The following TATDN1 variants were observed in gnomAD, a reference collection of about 807,000 sequenced individuals.
TATDN1 encodes TatD DNase domain containing 1.
A neutral mutation model predicts 46.4 loss-of-function variants in TATDN1; 40 were observed. The observed-to-expected ratio is 0.86, with a 90% CI of 0.67 to 1.12. TATDN1 has a LOEUF of 1.12. TATDN1 is among the 50% of genes most tolerant of loss of function. The pLI, the probability that TATDN1 is intolerant of heterozygous loss-of-function variation, is 0.00. For missense variants in TATDN1, 326 were observed against 348.4 expected, an observed-to-expected ratio of 0.94 and a Z score of 0.51; for synonymous variants, 95 against 105.6, an observed-to-expected ratio of 0.90 and a Z score of 0.62.
chr8:124,504,639 T>A (rs1326070006), intron 8 of TATDN1: 5 of 234,036 alleles, frequency 2.1e-5, no homozygotes, highest in Non-Finnish European at 4.1e-5. Context: ...CAGGAAGGGG[T>A]TTAGGAATAG....
chr8:124,520,232 T>C (rs997177469), intron 3 of TATDN1, among the ~76,000 whole-genome samples: 2 of 151,130 alleles, frequency 1.3e-5, no homozygotes, highest in African/African-American at 4.9e-5. Context: ...TGGTCAGGAG[T>C]TTGAGACCAT....
At chr8:124,519,117 C>T (rs1819811830) in intron 3 of TATDN1, among the ~76,000 whole-genome samples, 1 of 152,136 alleles carries the variant, frequency 6.6e-6, no homozygotes, top group Non-Finnish European at 1.5e-5. Flanking sequence ...CATCACTAGA[C>T]TCTGTTAAAA....
chr8:124,505,560 C>T (rs1396803605), intron 8 of TATDN1, among the ~76,000 whole-genome samples: 1 of 145,846 alleles, frequency 6.9e-6, no homozygotes, highest in Non-Finnish European at 1.5e-5. Flanking sequence ...AAAGCATAAA[C>T]CATTATATAA....
chr8:124,535,775 A>G (rs1438676073), intron 1 of TATDN1, among the ~76,000 whole-genome samples: 1 of 152,236 alleles, frequency 6.6e-6, no homozygotes, highest in Non-Finnish European at 1.5e-5. Flanking sequence ...ATGGTTCTGC[A>G]GGTTGTACAA....
intron 11 of TATDN1, chr8:124,490,424 T>G (rs1563637794): frequency 6.6e-6 from 1 of 151,914 alleles, no homozygotes; most frequent in African/African-American, 2.4e-5. Context: ...GCAGGAGAAT[T>G]GCTTGAACCT....
chr8:124,506,351 A>AG (rs1405936148), intron 8 of TATDN1, among the ~76,000 whole-genome samples: 3 of 148,978 alleles, frequency 2.0e-5, no homozygotes, highest in African/African-American at 7.6e-5. Context: ...AAAAAAAAAA[A>AG]AAAAAGAAAA....
At position 124,522,956 on chromosome 8, in the gene TATDN1, C is replaced by A; in HGVS notation, c.69G>T (p.Arg23Ser). 6.2e-7 allele frequency: 1 copy of A among 1,613,280 alleles called. No individual in the cohort carries two copies. The highest frequency in any genetic ancestry group is 8.5e-7 in the Non-Finnish European group (1 of 1,179,638). The change falls in exon 2 of 12, where the codon AGG (arginine) becomes AGT (serine). Residue 23 changes from arginine (R) to serine (S), a missense_variant. Arg to Ser is a moderately radical substitution (Grantham distance 110, BLOSUM62 -1). Coordinates refer to ENST00000276692, the MANE Select transcript of TATDN1 (RefSeq NM_032026.4). ...ATTTACCTTGATGCTTTTGAACCCC[C>A]CTATAAATTCCTCTGAACATAGGGT... ...LTDPMFRGIYRGVQKHQDDLQ... is the reference protein window; with the variant it reads ...LTDPMFRGIYSGVQKHQDDLQ...
At chr8:124,519,460 T>G (rs1056664185) in intron 3 of TATDN1, among the ~76,000 whole-genome samples, 18 of 152,184 alleles carry the variant, frequency 1.2e-4, no homozygotes, top group Admixed American at 3.3e-4. Flanking sequence ...TCATTAGAGA[T>G]TTGAAAAAAC....
intron 10 of TATDN1, chr8:124,494,203 T>TA (rs760427967): frequency 8.3e-5 from 23 of 276,420 alleles, no homozygotes; most frequent in East Asian, 1.3e-4. Flanking sequence ...CAGCATGCTT[T>TA]AAAAAAAAGA....
intron 1 of TATDN1, among the ~76,000 whole-genome samples, chr8:124,525,441 C>A (rs1820403052): frequency 6.6e-6 from 1 of 152,124 alleles, no homozygotes. Context: ...GGCACCACGC[C>A]CAGCCAGTCT....
chr8:124,503,715 C>G (rs972925371), intron 9 of TATDN1: 3 of 313,000 alleles, frequency 9.6e-6, no homozygotes, highest in African/African-American at 4.3e-5. Flanking sequence ...CAAAACCAAC[C>G]CAGAGACCTA....
At chr8:124,512,065 GC>G (rs758339187) in intron 6 of TATDN1, among the ~76,000 whole-genome samples, 1 of 151,986 alleles carries the variant, frequency 6.6e-6, no homozygotes, top group Non-Finnish European at 1.5e-5. Flanking sequence ...TTTCTGTCTT[GC>G]CCCCTAATTT....
chr8:124,492,673 G>A (rs1182813815), intron 11 of TATDN1, among the ~76,000 whole-genome samples: 1 of 144,424 alleles, frequency 6.9e-6, no homozygotes, highest in African/African-American at 2.6e-5. Flanking sequence ...AGAATTGCTT[G>A]AACCCAGGAG....
In TATDN1 at chr8:124,522,132, A is replaced by G. The variant is rs1434088133; in HGVS notation, c.138+19T>C. ...AAAATGAATTTTAAAAATCTCAAAA[A>G]TAACAAAATGGATGTTACCTTTTTA... On this transcript the variant is annotated intron_variant, in intron 3 of 11. Coordinates refer to ENST00000276692, the MANE Select transcript of TATDN1 (RefSeq NM_032026.4). The G allele has an allele frequency of 2.6e-6, 4 of 1,552,024 alleles. No individual in the cohort carries two copies. Among genetic ancestry groups the G allele is most frequent in the African/African-American group, 1.4e-5 (1 of 72,508 alleles).
intron 1 of TATDN1, among the ~76,000 whole-genome samples, chr8:124,530,777 G>A (rs889649909): frequency 1.3e-5 from 2 of 152,172 alleles, no homozygotes; most frequent in African/African-American, 4.8e-5. Flanking sequence ...TTAGATAGAG[G>A]CAAATTATTA....
chr8:124,533,113 G>A (rs549893754), intron 1 of TATDN1, among the ~76,000 whole-genome samples: 5 of 152,162 alleles, frequency 3.3e-5, no homozygotes, highest in South Asian at 2.1e-4. Context: ...TTAGCCGGGC[G>A]TGGTGGCAGG....
chr8:124,537,673 C>T (rs1399873918), intron 1 of TATDN1, among the ~76,000 whole-genome samples: 3 of 152,116 alleles, frequency 2.0e-5, no homozygotes, highest in Non-Finnish European at 4.4e-5. Flanking sequence ...CCTTTCTTTA[C>T]GGAGTACTTC....
At chr8:124,499,791 A>C (rs547785857) in intron 9 of TATDN1, among the ~76,000 whole-genome samples, 1 of 150,818 alleles carries the variant, frequency 6.6e-6, no homozygotes, top group South Asian at 2.1e-4. Flanking sequence ...TGATCCGCCC[A>C]CCTCAGCCTC....
chr8:124,530,805 T>C (rs916524989), intron 1 of TATDN1, among the ~76,000 whole-genome samples: 4 of 152,190 alleles, frequency 2.6e-5, no homozygotes, highest in African/African-American at 9.7e-5. Flanking sequence ...CCCAGTGTCT[T>C]TGAATACAGT....
Sources: gnomAD v4.1 joint callset for allele counts (sites outside exome capture counted in the v4.1 genomes callset) on GRCh38, gnomAD v4.1.1 for gene constraint, MANE v1.5 for transcripts, NCBI Gene and HGNC (gene_info 2026-07-23, HGNC 2026-07-21) for gene names.